Variants in CBLN2 observed in about 807,000 individuals in gnomAD.
CBLN2 encodes the protein cerebellin-2.
Under a neutral mutation model 15.0 loss-of-function variants are expected in CBLN2, and 7 were observed. That is an observed-to-expected ratio of 0.47 (90% CI 0.27 to 0.88). The LOEUF is 0.88. Among genes scored for constraint, CBLN2 ranks in the 40% least tolerant of loss-of-function variants. CBLN2 has a pLI of 0.14. For missense variants in CBLN2, 242 were observed against 304.5 expected (o/e 0.79, Z 1.53); for synonymous variants, 149 against 135.2 (o/e 1.10, Z -0.71).
At position 72,538,200 on chromosome 18, in the gene CBLN2, C is replaced by G. The variant is rs374962749; in HGVS notation, c.651G>C (p.Ser217=). The part of the protein sequence containing the change: ...LMGGWKYSTF[S]GFLVFPL ...TTTATAGAGGAAACACCAAGAAGCCCGAGAATGTGGAGTATTTCCAGCCCC... is the reference window on the plus strand; with the variant it reads ...TTTATAGAGGAAACACCAAGAAGCCGGAGAATGTGGAGTATTTCCAGCCCC... Residue 217 remains serine (S), a synonymous_variant, in exon 5 of 5, where the codon TCG becomes TCC. Coordinates refer to ENST00000269503, the MANE Select transcript of CBLN2 (RefSeq NM_182511.4). The G allele has an allele frequency of 1.2e-5, 20 of 1,613,920 alleles. No individual in the cohort carries two copies. The highest frequency in any genetic ancestry group is 1.5e-5 in the Non-Finnish European group (18 of 1,180,018).
At chr18:72,638,110 C>T (rs189467391) in intron 1 of CBLN2, among the ~76,000 whole-genome samples, 1 of 152,292 alleles carries the variant, frequency 6.6e-6, no homozygotes, top group African/African-American at 2.4e-5. Context: ...AATGAAACGC[C>T]CACTGAAATA....
At chr18:72,605,599 C>G (rs1035002901) in intron 1 of CBLN2, among the ~76,000 whole-genome samples, 2 of 152,172 alleles carry the variant, frequency 1.3e-5, no homozygotes, top group African/African-American at 4.8e-5. Context: ...AAAGATAAGT[C>G]AAACAATGGA....
At chr18:72,587,340 T>C (rs1186691023) in intron 1 of CBLN2, among the ~76,000 whole-genome samples, 3 of 152,114 alleles carry the variant, frequency 2.0e-5, no homozygotes, top group Non-Finnish European at 2.9e-5. Context: ...CTTTACTTTG[T>C]TTATCTAAAA....
At chr18:72,577,327 T>A (rs950647447) in intron 1 of CBLN2, among the ~76,000 whole-genome samples, 1 of 152,142 alleles carries the variant, frequency 6.6e-6, no homozygotes, top group Non-Finnish European at 1.5e-5. Context: ...AAAAAGCACA[T>A]TTTAAAACGA....
At chr18:72,628,118 C>G (rs2144975579) in intron 1 of CBLN2, among the ~76,000 whole-genome samples, 1 of 152,328 alleles carries the variant, frequency 6.6e-6, no homozygotes, top group African/African-American at 2.4e-5. Context: ...TGCAATCAGT[C>G]TCATCACATT....
intron 1 of CBLN2, among the ~76,000 whole-genome samples, chr18:72,630,577 A>AGAGAGAGAGAGAGAGAGAGAGAGAGG (rs2069769576): frequency 6.6e-6 from 1 of 151,502 alleles, no homozygotes; most frequent in Non-Finnish European, 1.5e-5. Flanking sequence ...AGAGAGAGAG[A>AGAGAGAGAGAGAGAGAGAGAGAGAGG]GAGAGAGAGA....
intron 1 of CBLN2, among the ~76,000 whole-genome samples, chr18:72,555,921 G>A (rs1283980941): frequency 2.0e-5 from 3 of 152,124 alleles, no homozygotes; most frequent in African/African-American, 7.2e-5. Flanking sequence ...ATGGCTTCAG[G>A]TGAGGCTTGA....
intron 1 of CBLN2, among the ~76,000 whole-genome samples, chr18:72,598,204 A>G (rs1425798142): frequency 6.6e-6 from 1 of 152,096 alleles, no homozygotes; most frequent in Admixed American, 6.5e-5. Context: ...CAAAGTAGGT[A>G]CTCCCTGGTT....
At chr18:72,560,020 A>G (rs2069250110) in intron 1 of CBLN2, among the ~76,000 whole-genome samples, 1 of 152,134 alleles carries the variant, frequency 6.6e-6, no homozygotes, top group Admixed American at 6.5e-5. Flanking sequence ...TTCTCACTGA[A>G]CCCAGGAAGG....
At chr18:72,578,692 G>A (rs776365720) in intron 1 of CBLN2, among the ~76,000 whole-genome samples, 7 of 151,990 alleles carry the variant, frequency 4.6e-5, no homozygotes, top group Non-Finnish European at 8.8e-5. Flanking sequence ...TATTTACTAC[G>A]CAGTAATGTG....
At chr18:72,587,512 A>T (rs1186374584) in intron 1 of CBLN2, among the ~76,000 whole-genome samples, 2 of 135,228 alleles carry the variant, frequency 1.5e-5, no homozygotes, top group African/African-American at 5.3e-5. Context: ...AGTAGGTTTT[A>T]AAAAAAGACT....
At chr18:72,565,156 A>T (rs1262098859) in intron 1 of CBLN2, among the ~76,000 whole-genome samples, 1 of 152,206 alleles carries the variant, frequency 6.6e-6, no homozygotes, top group East Asian at 1.9e-4. Context: ...TAACTGAAAG[A>T]GAAAGGATGG....
At chr18:72,626,407 C>T (rs528307431) in intron 1 of CBLN2, among the ~76,000 whole-genome samples, 1 of 152,154 alleles carries the variant, frequency 6.6e-6, no homozygotes, top group East Asian at 1.9e-4. Flanking sequence ...GCCATACACT[C>T]ACCTGAAAAA....
chr18:72,542,976 AC>A (rs1286686923), intron 2 of CBLN2: 1 of 154,566 alleles, frequency 6.5e-6, no homozygotes, highest in East Asian at 1.9e-4. Context: ...AAAGCCAAAC[AC>A]CTACTTCCAA....
At chr18:72,544,897 T>C (rs2069147300), upstream of CBLN2, among the ~76,000 whole-genome samples, 1 of 151,902 alleles carries the variant, frequency 6.6e-6, no homozygotes, top group South Asian at 2.1e-4. Flanking sequence ...CTACACTCTA[T>C]AGCCTGATTT....
chr18:72,569,180 T>A (rs1406854244), intron 1 of CBLN2, among the ~76,000 whole-genome samples: 1 of 152,192 alleles, frequency 6.6e-6, no homozygotes, highest in Admixed American at 6.5e-5. Flanking sequence ...CCACTAGTGA[T>A]ACCATTGACA....
At chr18:72,619,168 G>T (rs577361543) in intron 1 of CBLN2, 1 of 764,132 alleles carries the variant, frequency 1.3e-6, no homozygotes. Flanking sequence ...CAAAACCAAG[G>T]TGGCTGGGGT....
intron 1 of CBLN2, among the ~76,000 whole-genome samples, chr18:72,622,639 G>A (rs115711121): frequency 9.8e-5 from 15 of 152,288 alleles, no homozygotes; most frequent in African/African-American, 3.6e-4. Context: ...GAATGCCTGT[G>A]TGGTAAATTA....
intron 1 of CBLN2, among the ~76,000 whole-genome samples, chr18:72,607,855 T>C (rs2069593648): frequency 6.6e-6 from 1 of 152,178 alleles, no homozygotes; most frequent in East Asian, 1.9e-4. Context: ...TCACTTTTAT[T>C]GAGAGCATGA....
Sources: allele counts gnomAD v4.1 joint callset (sites outside exome capture counted in the v4.1 genomes callset), GRCh38; gene constraint gnomAD v4.1.1; transcripts MANE v1.5; gene names NCBI Gene and HGNC (gene_info 2026-07-23, HGNC 2026-07-21).